The following PARD3B variants were observed in gnomAD, a reference collection of about 807,000 sequenced individuals.
PARD3B encodes par-3 family cell polarity regulator beta, also known as partitioning defective 3 homolog B.
Under a neutral mutation model 130.2 loss-of-function variants are expected in PARD3B, and 103 were observed. The ratio of observed to expected loss-of-function variants is 0.79; its 90% CI spans 0.67 to 0.93. The LOEUF is 0.93. Ranked by LOEUF, PARD3B falls within the 40% of genes least tolerant of loss-of-function variation. PARD3B has a pLI of 0.00. For missense variants in PARD3B, 1,609 were observed against 1,499.2 expected (o/e 1.07, Z -1.21); for synonymous variants, 583 against 553.2 (o/e 1.05, Z -0.76).
At chr2:204,688,298 T>C (rs1258936960) in intron 2 of PARD3B, among the ~76,000 whole-genome samples, 1 of 152,054 alleles carries the variant, frequency 6.6e-6, no homozygotes, top group Non-Finnish European at 1.5e-5. Flanking sequence ...AAAAAATACG[T>C]AAGTGGCACG....
chr2:205,300,534 T>C lies in PARD3B; in HGVS notation c.2190T>C (p.Ser730=), dbSNP rs374973808. Reference sequence around the variant, plus strand: ...CTTTTGCCCTTTCTTTTCCAGAATCTCCAAGCAAAGATTTTGGTCCAACTC... The same window carrying C: ...CTTTTGCCCTTTCTTTTCCAGAATCCCCAAGCAAAGATTTTGGTCCAACTC... The part of the protein sequence containing the change: ...VHSLAGQKSE[S]PSKDFGPTLG... The change falls in exon 17 of 23, where the codon TCT becomes TCC. Residue 730 remains serine (S), a synonymous_variant. Transcript: ENST00000406610. The surrounding 1 kb of genome is among the most constrained non-coding windows in gnomAD (Gnocchi z 4.1). 2.5e-6 allele frequency: 4 copies of C among 1,613,052 alleles called. No homozygotes were observed. The highest frequency in any genetic ancestry group is 3.4e-6 in the Non-Finnish European group (4 of 1,179,592).
chr2:205,399,806 A>T (rs888096355), intron 18 of PARD3B, among the ~76,000 whole-genome samples: 2 of 152,212 alleles, frequency 1.3e-5, no homozygotes, highest in African/African-American at 4.8e-5. Context: ...ATACTAACCC[A>T]GAGAAACCTC....
chr2:205,328,943 A>G (rs1270871019), intron 18 of PARD3B, among the ~76,000 whole-genome samples: 1 of 152,178 alleles, frequency 6.6e-6, no homozygotes, highest in Non-Finnish European at 1.5e-5. Context: ...TCTTTTCTCA[A>G]ACTTTTTCCT....
chr2:204,596,952 C>CTATCTG (rs2033320168), intron 1 of PARD3B, among the ~76,000 whole-genome samples: 1 of 151,228 alleles, frequency 6.6e-6, no homozygotes, highest in African/African-American at 2.4e-5. Flanking sequence ...CTGTCTCTCT[C>CTATCTG]TCTCTCTCTC....
intron 2 of PARD3B, among the ~76,000 whole-genome samples, chr2:204,716,234 G>C (rs1186904777): frequency 6.6e-6 from 1 of 152,016 alleles, no homozygotes; most frequent in Non-Finnish European, 1.5e-5. Context: ...ATCTGGTATG[G>C]AGTTAACAGT....
chr2:205,350,521 C>G (rs1202203233), intron 18 of PARD3B, among the ~76,000 whole-genome samples: 2 of 152,212 alleles, frequency 1.3e-5, no homozygotes, highest in Non-Finnish European at 2.9e-5. Flanking sequence ...CCCCGCCATT[C>G]TCAAAGTACT....
At chr2:205,518,149 G>A (rs1212048178) in intron 21 of PARD3B, among the ~76,000 whole-genome samples, 1 of 152,062 alleles carries the variant, frequency 6.6e-6, no homozygotes. Flanking sequence ...TAAATTTTCT[G>A]CCTCGATGAT....
chr2:204,750,444 G>A lies in PARD3B; in HGVS notation c.222+64162G>A, dbSNP rs1030186597. 1.4e-4 allele frequency among the ~76,000 whole-genome samples: 21 copies of A among 152,258 alleles called. 1 individual carries two copies. Among genetic ancestry groups the A allele is most frequent in the Admixed American group, 1.1e-3 (17 of 15,292 alleles). On this transcript the variant is annotated intron_variant, in intron 2 of 22. Coordinates refer to ENST00000406610, the MANE Select transcript of PARD3B (RefSeq NM_001302769.2). The stretch of plus-strand genomic sequence containing the variant: ...ACTAAAAAATACAGACATTAGCTGC[G>A]CTTTGGCAACTCATGCCTGTAGTCC...
intron 2 of PARD3B, among the ~76,000 whole-genome samples, chr2:204,871,741 G>A (rs2045637157): frequency 6.6e-6 from 1 of 152,040 alleles, no homozygotes; most frequent in Admixed American, 6.6e-5. Flanking sequence ...TGGTAGTCCT[G>A]TTGGGTGTAA....
chr2:204,599,451 G>T (rs1398497722), intron 1 of PARD3B, among the ~76,000 whole-genome samples: 2 of 151,788 alleles, frequency 1.3e-5, no homozygotes, highest in Non-Finnish European at 2.9e-5. Flanking sequence ...TTGACTTTCT[G>T]TTCCTGGCTT....
chr2:204,998,807 T>C (rs1225611653), intron 3 of PARD3B, among the ~76,000 whole-genome samples: 3 of 152,020 alleles, frequency 2.0e-5, no homozygotes, highest in Non-Finnish European at 4.4e-5. Context: ...TCTGACACCC[T>C]GGTTCAAGTG....
At chr2:204,908,509 A>G (rs1351851973) in intron 2 of PARD3B, among the ~76,000 whole-genome samples, 3 of 152,212 alleles carry the variant, frequency 2.0e-5, no homozygotes, top group Non-Finnish European at 4.4e-5. Flanking sequence ...CTGGAGTTGC[A>G]CATTGGGGGA....
At chr2:205,583,255 A>G (rs1177843367) in intron 22 of PARD3B, among the ~76,000 whole-genome samples, 2 of 152,246 alleles carry the variant, frequency 1.3e-5, no homozygotes, top group Admixed American at 6.5e-5. Flanking sequence ...GAAACAGAGC[A>G]GTTCACATTT....
At chr2:204,648,558 A>G (rs1025107285) in intron 1 of PARD3B, among the ~76,000 whole-genome samples, 7 of 133,068 alleles carry the variant, frequency 5.3e-5, no homozygotes, top group South Asian at 2.1e-4. Flanking sequence ...GCTTTAAAAT[A>G]TATAAATATA....
At position 205,158,180 on chromosome 2, in the gene PARD3B, C is replaced by T. The variant is rs192427772; in HGVS notation, c.1435-542C>T. 1.5e-3 allele frequency among the ~76,000 whole-genome samples: 234 copies of T among 152,272 alleles called. 2 individuals carry two copies. The highest frequency in any genetic ancestry group is 4.4e-4 in the Non-Finnish European group (30 of 68,014). The stretch of plus-strand genomic sequence containing the variant: ...TCGTTTTTCTCTAACTTTAAAGTAA[C>T]ATCTCATTTTTACTGTGTCTTATTA... On this transcript the variant is annotated intron_variant, in intron 10 of 22. Coordinates refer to ENST00000406610, the MANE Select transcript of PARD3B (RefSeq NM_001302769.2). This position sits in a 1 kb window ranked among gnomAD's most constrained non-coding sequence, Gnocchi z 5.4.
At chr2:205,093,793 A>G (rs1453277514) in intron 4 of PARD3B, among the ~76,000 whole-genome samples, 1 of 152,192 alleles carries the variant, frequency 6.6e-6, no homozygotes, top group South Asian at 2.1e-4. Context: ...TTGTATTTAA[A>G]TAGAAATGCA....
At chr2:205,423,933 G>A (rs1013318764) in intron 19 of PARD3B, among the ~76,000 whole-genome samples, 1 of 152,122 alleles carries the variant, frequency 6.6e-6, no homozygotes, top group Non-Finnish European at 1.5e-5. Flanking sequence ...CCTTTTGGAA[G>A]ATGGAGGATA....
intron 19 of PARD3B, among the ~76,000 whole-genome samples, chr2:205,426,798 A>G (rs1387586399): frequency 6.6e-6 from 1 of 152,210 alleles, no homozygotes; most frequent in African/African-American, 2.4e-5. Context: ...AATATGAAAC[A>G]CTAATCAATA....
At chr2:204,981,088 A>T (rs1487777954) in intron 3 of PARD3B, among the ~76,000 whole-genome samples, 1 of 152,224 alleles carries the variant, frequency 6.6e-6, no homozygotes. Context: ...GAAATTACTA[A>T]AATGAAAGAA....
Sources: allele counts gnomAD v4.1 joint callset (sites outside exome capture counted in the v4.1 genomes callset), GRCh38; gene constraint gnomAD v4.1.1; non-coding constraint Gnocchi (gnomAD v3.1); transcripts MANE v1.5; gene names NCBI Gene and HGNC (gene_info 2026-07-23, HGNC 2026-07-21).